The following MIOS variants were observed in gnomAD, a reference collection of about 807,000 sequenced individuals.
MIOS encodes the protein meiosis regulator for oocyte development, also known as GATOR2 complex protein MIOS.
A neutral mutation model predicts 96.9 loss-of-function variants in MIOS; 52 were observed. The observed-to-expected ratio is 0.54, with a 90% CI of 0.43 to 0.68. The LOEUF is 0.68. Among genes scored for constraint, MIOS ranks in the 30% least tolerant of loss-of-function variants. The probability of loss-of-function intolerance (pLI) is 0.00; values close to 1 mark genes in which losing one functional copy is unlikely to be tolerated. For missense variants in MIOS, 1,005 were observed against 1,052.8 expected, an observed-to-expected ratio of 0.95 and a Z score of 0.63; for synonymous variants, 397 against 359.5, an observed-to-expected ratio of 1.10 and a Z score of -1.18.
In MIOS at chr7:7,573,830, C is replaced by A; in HGVS notation, c.1294+61C>A. On this transcript the variant is annotated intron_variant, in intron 4 of 12. Transcript: ENST00000340080. The surrounding 1 kb of genome is among the most constrained non-coding windows in gnomAD (Gnocchi z 5.0). ...AGGTAGAAATGTTCTTGAAGTTTGC[C>A]AAAAGGTCAGTCTGTAAATATGCTC... is the stretch of plus-strand genomic sequence containing the variant. 7.0e-7 allele frequency: 1 copy of A among 1,436,348 alleles called. No individual in the cohort carries two copies. 89.0% of individuals were successfully genotyped at this position (1,436,348 alleles called of 1,614,324 possible). A position where few individuals can be genotyped will look rare whatever the true frequency, so the allele number is the denominator to read the frequency against.
intron 5 of MIOS, among the ~76,000 whole-genome samples, chr7:7,577,804 T>C (rs1269176905): frequency 6.6e-6 from 1 of 152,012 alleles, no homozygotes; most frequent in Admixed American, 6.6e-5. Context: ...AGGAAGAGGA[T>C]ATGGAGAAGA....
At chr7:7,592,113 C>T (rs560683988) in intron 9 of MIOS, among the ~76,000 whole-genome samples, 7 of 152,170 alleles carry the variant, frequency 4.6e-5, no homozygotes, top group Middle Eastern at 6.8e-3. Context: ...CTCAGCCTCC[C>T]GAGTAGCTGG....
At chr7:7,574,245 CT>C (rs1372878713) in intron 5 of MIOS, 49 bp downstream of exon 5, 2 of 1,387,358 alleles carry the variant, frequency 1.4e-6, no homozygotes, top group Non-Finnish European at 2.0e-6. Flanking sequence ...AACTTTTGTA[CT>C]TTTATTTTGC....
intron 5 of MIOS, among the ~76,000 whole-genome samples, chr7:7,581,199 G>A (rs942819879): frequency 6.6e-6 from 1 of 150,390 alleles, no homozygotes; most frequent in Non-Finnish European, 1.5e-5. Context: ...GTGTGCACCT[G>A]TTGAGGCAGG....
chr7:7,582,518 T>G (rs1783762739), intron 5 of MIOS: 1 of 384,708 alleles, frequency 2.6e-6, no homozygotes, highest in Non-Finnish European at 3.6e-6. Context: ...GTTTTCTGAT[T>G]TAGTAAGGGG....
At position 7,606,979 on chromosome 7, in the gene MIOS, T is replaced by C; in HGVS notation, c.2532-17T>C. The C allele has an allele frequency of 1.9e-6, 3 of 1,579,300 alleles. No individual in the cohort carries two copies. The highest frequency in any genetic ancestry group is 1.1e-5 in the South Asian group (1 of 88,782). On this transcript the variant is annotated splice_polypyrimidine_tract_variant and intron_variant, in intron 12 of 12. Transcript: ENST00000340080. ...TCTAATTTGGATTTTTAACTGTTAT[T>C]TGACCTATTTTTTTAGGGACCATGC... is the stretch of plus-strand genomic sequence containing the variant.
At chr7:7,580,156 GA>G (rs1783666262) in intron 5 of MIOS, among the ~76,000 whole-genome samples, 1 of 152,148 alleles carries the variant, frequency 6.6e-6, no homozygotes, top group African/African-American at 2.4e-5. Context: ...GAAATTAAAT[GA>G]CTGCATTCTG....
intron 11 of MIOS, among the ~76,000 whole-genome samples, chr7:7,602,893 C>T (rs1436738222): frequency 6.6e-6 from 1 of 152,108 alleles, no homozygotes; most frequent in Non-Finnish European, 1.5e-5. Flanking sequence ...TGGAACGGAA[C>T]AGAGCCCTCA....
chr7:7,607,001 A>T lies in MIOS; in HGVS notation c.2537A>T (p.His846Leu). The T allele has an allele frequency of 6.2e-7, 1 of 1,610,444 alleles. No individual in the cohort carries two copies. Among genetic ancestry groups the T allele is most frequent in the Non-Finnish European group, 8.5e-7 (1 of 1,178,204 alleles). The change falls in exon 13 of 13, where the codon CAT (histidine) becomes CTT (leucine). Residue 846 changes from histidine to leucine, a missense_variant. Transcript: ENST00000340080. ...TATTTGACCTATTTTTTTAGGGACC[A>T]TGCAGAGTGCCCTGTGTCGGCATGC... ...AGHMLSWFRD[H>L]AECPVSACTC...
At chr7:7,591,265 C>G (rs939121555) in intron 9 of MIOS, among the ~76,000 whole-genome samples, 39 of 149,636 alleles carry the variant, frequency 2.6e-4, no homozygotes, top group African/African-American at 9.5e-4. Context: ...TTATGCTTGT[C>G]TCCCTGTCTG....
intron 3 of MIOS, among the ~76,000 whole-genome samples, chr7:7,570,389 G>A (rs1783309684): frequency 6.6e-6 from 1 of 151,878 alleles, no homozygotes; most frequent in Admixed American, 6.6e-5. Context: ...AATAAAACCA[G>A]TATAAGAATT....
chr7:7,594,129 A>G (rs1199186572), intron 9 of MIOS, among the ~76,000 whole-genome samples: 1 of 152,116 alleles, frequency 6.6e-6, no homozygotes, highest in Non-Finnish European at 1.5e-5. Flanking sequence ...TTGTTCTGTT[A>G]TTATTTTTAA....
At chr7:7,605,577 G>A (rs1298302589) in intron 11 of MIOS, 1 of 167,804 alleles carries the variant, frequency 6.0e-6, no homozygotes, top group African/African-American at 2.4e-5. Flanking sequence ...TTACAGGCAT[G>A]AGCCATCACA....
intron 5 of MIOS, among the ~76,000 whole-genome samples, chr7:7,581,384 T>A (rs1461604831): frequency 6.6e-6 from 1 of 152,222 alleles, no homozygotes; most frequent in African/African-American, 2.4e-5. Flanking sequence ...TTTGCTTGTG[T>A]TTGTTTATGC....
At chr7:7,588,475 C>G in intron 7 of MIOS, 23 bp from the exon 8 acceptor site, 1 of 1,538,204 alleles carries the variant, frequency 6.5e-7, no homozygotes, top group South Asian at 1.3e-5. Flanking sequence ...GAAGTAACTC[C>G]TTGCTTTTTC....
At chr7:7,570,974 A>G (rs1783332158) in intron 3 of MIOS, among the ~76,000 whole-genome samples, 1 of 152,190 alleles carries the variant, frequency 6.6e-6, no homozygotes. Flanking sequence ...GTAATTCCCA[A>G]CTGAAACTTT....
chr7:7,588,352 A>G (rs781474628), intron 7 of MIOS, 146 bp from the exon 8 acceptor site: 1 of 429,818 alleles, frequency 2.3e-6, no homozygotes, highest in Non-Finnish European at 4.1e-6. Context: ...ATCTCAGGCA[A>G]TTAATGGCTC....
intron 9 of MIOS, among the ~76,000 whole-genome samples, chr7:7,590,607 G>A (rs80050529): frequency 0.02 from 3,051 of 151,982 alleles, 76 homozygotes; most frequent in African/African-American, 0.049. Context: ...TTTGTTTTCC[G>A]TTTTGTTTGT....
intron 5 of MIOS, among the ~76,000 whole-genome samples, 165 bp downstream of exon 5, chr7:7,574,361 C>G (rs191072497): frequency 1.3e-5 from 2 of 152,176 alleles, no homozygotes; most frequent in Non-Finnish European, 2.9e-5. Context: ...TAAATGCATA[C>G]TTGTATTTAT....
Sources: allele counts gnomAD v4.1 joint callset (sites outside exome capture counted in the v4.1 genomes callset), GRCh38; gene constraint gnomAD v4.1.1; non-coding constraint Gnocchi (gnomAD v3.1); transcripts MANE v1.5; gene names NCBI Gene and HGNC (gene_info 2026-07-23, HGNC 2026-07-21).